Variants in TTC29 observed in about 807,000 individuals in gnomAD.
TTC29 encodes the protein tetratricopeptide repeat protein 29.
A neutral mutation model predicts 58.1 loss-of-function variants in TTC29; 49 were observed. The observed-to-expected ratio is 0.84, with a 90% CI of 0.67 to 1.07. The LOEUF (loss-of-function observed/expected upper bound fraction) is 1.07, where lower values mean the gene tolerates loss of function less well. Among genes scored for constraint, TTC29 ranks in the 50% least tolerant of loss-of-function variants. The pLI, the probability that TTC29 is intolerant of heterozygous loss-of-function variation, is 0.00. For missense variants in TTC29, 582 were observed against 555.6 expected (o/e 1.05, Z -0.48); for synonymous variants, 209 against 196.8 (o/e 1.06, Z -0.52).
intron 9 of TTC29, among the ~76,000 whole-genome samples, chr4:146,827,607 T>G (rs1237865440): frequency 6.6e-6 from 1 of 152,220 alleles, no homozygotes; most frequent in Non-Finnish European, 1.5e-5. Flanking sequence ...ATTAATAACT[T>G]TGATCATACT....
At chr4:146,854,599 C>T (rs1236862493) in intron 8 of TTC29, among the ~76,000 whole-genome samples, 1 of 152,128 alleles carries the variant, frequency 6.6e-6, no homozygotes, top group African/African-American at 2.4e-5. Flanking sequence ...CATAAGCCCT[C>T]TCTAATGTAT....
At chr4:146,855,390 G>A (rs1382963072) in intron 8 of TTC29, among the ~76,000 whole-genome samples, 3 of 149,434 alleles carry the variant, frequency 2.0e-5, no homozygotes, top group South Asian at 2.1e-4. Context: ...CAGAGATTTC[G>A]CCACTGCACT....
chr4:146,802,503 G>C (rs1750302250), intron 11 of TTC29, among the ~76,000 whole-genome samples: 1 of 152,150 alleles, frequency 6.6e-6, no homozygotes. Context: ...AGGACGGTGG[G>C]TAGTTAAGTA....
intron 8 of TTC29, among the ~76,000 whole-genome samples, chr4:146,859,443 G>A (rs1730083262): frequency 6.6e-6 from 1 of 151,918 alleles, no homozygotes; most frequent in South Asian, 2.1e-4. Flanking sequence ...TATAGTGTAA[G>A]AAAATCTAAA....
At chr4:146,723,908 CCAAAAGACATGCTCT>C (rs1743568228) in intron 11 of TTC29, among the ~76,000 whole-genome samples, 1 of 152,108 alleles carries the variant, frequency 6.6e-6, no homozygotes, top group Non-Finnish European at 1.5e-5. Context: ...AATTGTTGTA[CCAAAAGACATGCTCT>C]CACATGTTTA....
intron 4 of TTC29, among the ~76,000 whole-genome samples, chr4:146,915,526 G>A (rs994034655): frequency 6.6e-6 from 1 of 151,808 alleles, no homozygotes; most frequent in Admixed American, 6.6e-5. Context: ...AAACTCTAAC[G>A]GGAAAAACAC....
chr4:146,820,328 G>A, intron 9 of TTC29, 80 bp from the exon 10 acceptor site: 2 of 1,468,196 alleles, frequency 1.4e-6, no homozygotes, highest in Non-Finnish European at 1.8e-6. Flanking sequence ...TTGTGTCTTT[G>A]CTGTAGAAAA....
chr4:146,707,590 A>T, intron 11 of TTC29, 39 bp from the exon 12 acceptor site: 1 of 1,416,820 alleles, frequency 7.1e-7, no homozygotes, highest in Non-Finnish European at 9.8e-7. Flanking sequence ...ATTATCATGA[A>T]CACAGTTTAT....
At chr4:146,772,104 T>A (rs184466526) in intron 11 of TTC29, among the ~76,000 whole-genome samples, 138 of 152,284 alleles carry the variant, frequency 9.1e-4, no homozygotes, top group African/African-American at 3.2e-3. Flanking sequence ...GTTGTTTGTT[T>A]TCTGCTTGTT....
At chr4:146,907,266 T>C (rs1415056634) in intron 5 of TTC29, among the ~76,000 whole-genome samples, 1 of 152,186 alleles carries the variant, frequency 6.6e-6, no homozygotes, top group African/African-American at 2.4e-5. Flanking sequence ...TCTTATAAAT[T>C]TGAAAAAGCT....
At chr4:146,845,238 G>A (rs1212296604) in intron 8 of TTC29, among the ~76,000 whole-genome samples, 1 of 152,086 alleles carries the variant, frequency 6.6e-6, no homozygotes, top group Non-Finnish European at 1.5e-5. Flanking sequence ...GAGTTAAGGC[G>A]GTAAATAGGC....
intron 8 of TTC29, among the ~76,000 whole-genome samples, chr4:146,847,798 G>A (rs904464095): frequency 5.3e-5 from 8 of 152,176 alleles, no homozygotes; most frequent in Non-Finnish European, 1.2e-4. Flanking sequence ...TTGAATGCTC[G>A]CACTGTGATC....
At chr4:146,847,900 G>T (rs954783361) in intron 8 of TTC29, among the ~76,000 whole-genome samples, 2 of 152,214 alleles carry the variant, frequency 1.3e-5, no homozygotes, top group South Asian at 2.1e-4. Flanking sequence ...ACACCAAAGT[G>T]GATGTATGGG....
At chr4:146,758,814 T>C (rs1746649298) in intron 11 of TTC29, among the ~76,000 whole-genome samples, 1 of 151,918 alleles carries the variant, frequency 6.6e-6, no homozygotes, top group Non-Finnish European at 1.5e-5. Flanking sequence ...ACACAACCTA[T>C]CAAGACCTCT....
intron 4 of TTC29, among the ~76,000 whole-genome samples, chr4:146,929,326 G>T (rs76284918): frequency 0.019 from 2,951 of 151,930 alleles, 76 homozygotes; most frequent in Non-Finnish European, 0.025. Context: ...CACTGAAAAG[G>T]GTGGCTGCAG....
intron 8 of TTC29, among the ~76,000 whole-genome samples, chr4:146,858,452 T>C (rs1730013678): frequency 6.6e-6 from 1 of 152,210 alleles, no homozygotes; most frequent in African/African-American, 2.4e-5. Context: ...CTCTTTTTCA[T>C]GTAATATATG....
At chr4:146,850,387 C>T (rs1171660361) in intron 8 of TTC29, among the ~76,000 whole-genome samples, 1 of 152,194 alleles carries the variant, frequency 6.6e-6, no homozygotes, top group African/African-American at 2.4e-5. Context: ...TCATCCAGCC[C>T]TCTCTTCCAC....
intron 10 of TTC29, among the ~76,000 whole-genome samples, chr4:146,805,375 T>C (rs1310959128): frequency 1.3e-5 from 2 of 151,786 alleles, no homozygotes; most frequent in Admixed American, 6.6e-5. Flanking sequence ...CAAAACTGGA[T>C]GGAAAATGAG....
chr4:146,945,453 T>C (rs925753228), intron 1 of TTC29: 2 of 152,218 alleles, frequency 1.3e-5, no homozygotes, highest in Admixed American at 6.5e-5. Flanking sequence ...CTAAAGGACT[T>C]ATCCTATGCC....
Sources: gnomAD v4.1 joint callset for allele counts (sites outside exome capture counted in the v4.1 genomes callset) on GRCh38, gnomAD v4.1.1 for gene constraint, MANE v1.5 for transcripts, NCBI Gene and HGNC (gene_info 2026-07-23, HGNC 2026-07-21) for gene names.